The following RBMS3 variants were observed in gnomAD, a reference collection of about 807,000 sequenced individuals.
The protein encoded by RBMS3 is RNA binding motif single stranded interacting protein 3, also known as RNA-binding motif, single-stranded-interacting protein 3.
RBMS3 carries 27 observed loss-of-function variants against 66.8 expected under a neutral mutation model. That is an observed-to-expected ratio of 0.40 (90% confidence interval 0.30 to 0.56). The LOEUF is 0.56. Ranked by LOEUF, RBMS3 falls within the 20% of genes least tolerant of loss-of-function variation. The pLI, the probability that RBMS3 is intolerant of heterozygous loss-of-function variation, is 0.40. For missense variants in RBMS3, 513 were observed against 549.5 expected (o/e 0.93, Z 0.66); for synonymous variants, 188 against 183.0 (o/e 1.03, Z -0.22).
chr3:29,918,824 G>A (rs981276927), intron 10 of RBMS3, among the ~76,000 whole-genome samples: 2 of 151,898 alleles, frequency 1.3e-5, no homozygotes, highest in Admixed American at 6.6e-5. Context: ...TTTTTAAGAT[G>A]AGACTTTTTT....
intron 7 of RBMS3, among the ~76,000 whole-genome samples, chr3:29,876,007 A>C (rs769136860): frequency 1.3e-5 from 2 of 152,244 alleles, no homozygotes; most frequent in African/African-American, 2.4e-5. Flanking sequence ...AACATAAAGA[A>C]GTTAATTTTC....
At chr3:29,992,315 A>T (rs1044536716) in intron 14 of RBMS3, among the ~76,000 whole-genome samples, 1 of 152,198 alleles carries the variant, frequency 6.6e-6, no homozygotes, top group Non-Finnish European at 1.5e-5. Flanking sequence ...GGCCGGGCGC[A>T]GTGGCTCACG....
At chr3:29,367,954 A>G (rs1217146519) in intron 1 of RBMS3, among the ~76,000 whole-genome samples, 3 of 152,188 alleles carry the variant, frequency 2.0e-5, no homozygotes, top group African/African-American at 7.2e-5. Flanking sequence ...AAGAAAAAAA[A>G]TCAAGATTTC....
chr3:29,782,982 A>G (rs2056689768), intron 6 of RBMS3, among the ~76,000 whole-genome samples: 1 of 152,122 alleles, frequency 6.6e-6, no homozygotes, highest in Non-Finnish European at 1.5e-5. Flanking sequence ...CATCAAAGAC[A>G]AAGAAAAAAG....
chr3:29,678,654 G>A lies in RBMS3; in HGVS notation c.400-61066G>A, dbSNP rs550099709. On this transcript the variant is annotated intron_variant, in intron 4 of 14. Transcript: ENST00000383767. ...TTTCCATATACAAATTTTATGGTTT[G>A]ACAAAAAATATTTTGTCACCCATGA... 2.6e-5 allele frequency among the ~76,000 whole-genome samples: 4 copies of A among 152,148 alleles called. No individual in the cohort carries two copies. The East Asian group carries it at 7.7e-4, about 29-fold the overall frequency.
At chr3:29,718,049 A>C (rs1234355742) in intron 4 of RBMS3, among the ~76,000 whole-genome samples, 16 of 152,166 alleles carry the variant, frequency 1.1e-4, no homozygotes, top group Non-Finnish European at 1.8e-4. Flanking sequence ...TGTAGTATAC[A>C]CTGACATTTG....
At position 29,739,762 on chromosome 3, in the gene RBMS3, C is replaced by G. The variant is rs200900748; in HGVS notation, c.442C>G (p.Pro148Ala). The change falls in exon 5 of 15, where the codon CCC becomes GCC. Residue 148 changes from proline to alanine, a missense_variant. Physicochemically the swap from Pro to Ala is conservative, Grantham distance 27. Transcript: ENST00000383767. ...DPTNLYISNL[P>A]ISMDEQELEN... ...AACAAACCTATACATCTCAAATCTC[C>G]CCATTTCTATGGATGAGCAGGAGCT... The G allele has an allele frequency of 1.9e-6, 3 of 1,612,292 alleles. No homozygotes were observed. Among genetic ancestry groups the G allele is most frequent in the Middle Eastern group, 1.7e-4 (1 of 6,048 alleles).
At chr3:29,659,144 A>G (rs112288458) in intron 4 of RBMS3, among the ~76,000 whole-genome samples, 3,428 of 152,276 alleles carry the variant, frequency 0.023, 50 homozygotes, top group Admixed American at 0.033. Flanking sequence ...AATAAACTTT[A>G]TTGAGAAATA....
chr3:29,905,751 G>A (rs886078059), intron 10 of RBMS3, among the ~76,000 whole-genome samples: 1 of 151,974 alleles, frequency 6.6e-6, no homozygotes, highest in Non-Finnish European at 1.5e-5. Context: ...GATAGCTGAT[G>A]AGCTAAAATA....
At chr3:29,651,978 T>C (rs1426099400) in intron 4 of RBMS3, among the ~76,000 whole-genome samples, 1 of 152,172 alleles carries the variant, frequency 6.6e-6, no homozygotes, top group Non-Finnish European at 1.5e-5. Flanking sequence ...AAAACTTAAC[T>C]GTAGCATACT....
intron 10 of RBMS3, among the ~76,000 whole-genome samples, chr3:29,901,402 G>T (rs749410270): frequency 7.9e-5 from 12 of 151,718 alleles, no homozygotes; most frequent in Non-Finnish European, 1.8e-4. Flanking sequence ...TCTCTTTGTG[G>T]CCAAAAGGAG....
At chr3:29,783,271 A>C (rs920771675) in intron 6 of RBMS3, among the ~76,000 whole-genome samples, 1 of 152,160 alleles carries the variant, frequency 6.6e-6, no homozygotes, top group African/African-American at 2.4e-5. Context: ...GTCAAGACAA[A>C]GGAAAGAATC....
intron 12 of RBMS3, among the ~76,000 whole-genome samples, chr3:29,980,481 G>T (rs1214460489): frequency 6.6e-6 from 1 of 152,090 alleles, no homozygotes; most frequent in African/African-American, 2.4e-5. Flanking sequence ...CATTGCTTTT[G>T]GTGTTTTAGT....
At chr3:29,549,339 T>C (rs1292851666) in intron 3 of RBMS3, among the ~76,000 whole-genome samples, 2 of 152,014 alleles carry the variant, frequency 1.3e-5, no homozygotes. Flanking sequence ...TTTGGTCCTC[T>C]AGTCCTGGTC....
intron 3 of RBMS3, among the ~76,000 whole-genome samples, chr3:29,548,933 A>G (rs1380082851): frequency 2.0e-5 from 3 of 152,152 alleles, no homozygotes; most frequent in Non-Finnish European, 4.4e-5. Context: ...AAAAATGGTA[A>G]AACAGAATGC....
intron 1 of RBMS3, among the ~76,000 whole-genome samples, chr3:29,363,747 G>A (rs773335345): frequency 4.0e-5 from 6 of 150,500 alleles, no homozygotes; most frequent in East Asian, 3.9e-4. Flanking sequence ...CTGAAATTGC[G>A]CCACTGCCCT....
intron 8 of RBMS3, among the ~76,000 whole-genome samples, chr3:29,886,889 C>T (rs2149585139): frequency 6.6e-6 from 1 of 151,658 alleles, no homozygotes. Flanking sequence ...GGAGAGACAA[C>T]CTGAAGAAAC....
At chr3:29,816,326 A>G (rs1426313237) in intron 6 of RBMS3, among the ~76,000 whole-genome samples, 2 of 151,188 alleles carry the variant, frequency 1.3e-5, no homozygotes, top group East Asian at 3.9e-4. Context: ...ACACACACAC[A>G]CACACACACA....
At chr3:29,718,576 T>G (rs966767232) in intron 4 of RBMS3, among the ~76,000 whole-genome samples, 2 of 152,052 alleles carry the variant, frequency 1.3e-5, no homozygotes, top group East Asian at 3.9e-4. Flanking sequence ...ATTGTTCAAC[T>G]TCCATACTCC....
Sources: allele counts gnomAD v4.1 joint callset (sites outside exome capture counted in the v4.1 genomes callset), GRCh38; gene constraint gnomAD v4.1.1; transcripts MANE v1.5; gene names NCBI Gene and HGNC (gene_info 2026-07-23, HGNC 2026-07-21).